The following ARHGAP26 variants were observed in gnomAD, a reference collection of about 807,000 sequenced individuals.
ARHGAP26 encodes rho GTPase-activating protein 26.
Under a neutral mutation model 104.8 loss-of-function variants are expected in ARHGAP26, and 38 were observed. That is an observed-to-expected ratio of 0.36 (90% confidence interval 0.28 to 0.48). The LOEUF (loss-of-function observed/expected upper bound fraction) is 0.48, where lower values mean the gene tolerates loss of function less well. Among genes scored for constraint, ARHGAP26 ranks in the 20% least tolerant of loss-of-function variants. The probability of loss-of-function intolerance (pLI) is 0.99; values close to 1 mark genes in which losing one functional copy is unlikely to be tolerated. For missense variants in ARHGAP26, 704 were observed against 947.9 expected (o/e 0.74, Z 3.38); for synonymous variants, 341 against 340.0 (o/e 1.00, Z -0.03).
At chr5:142,913,767 A>G (rs949254148) in intron 10 of ARHGAP26, among the ~76,000 whole-genome samples, 9 of 152,248 alleles carry the variant, frequency 5.9e-5, no homozygotes, top group African/African-American at 9.6e-5. Context: ...CATTTCACCT[A>G]CCAGTGTGTG....
chr5:142,958,437 C>T (rs1403917353), intron 11 of ARHGAP26, among the ~76,000 whole-genome samples: 3 of 152,110 alleles, frequency 2.0e-5, no homozygotes, highest in Non-Finnish European at 4.4e-5. Context: ...GAGGCCAAGG[C>T]AGGGGGATTG....
chr5:143,034,188 C>T (rs1024260089), intron 12 of ARHGAP26, among the ~76,000 whole-genome samples: 1 of 152,162 alleles, frequency 6.6e-6, no homozygotes, highest in Non-Finnish European at 1.5e-5. Flanking sequence ...AACAGTTTGG[C>T]AATTCCTCAA....
Position 143,226,221 on chromosome 5 carries a change from C to G in ARHGAP26, c.*3775C>G, listed in dbSNP as rs1381720663. The G allele has an allele frequency of 5.5e-6, 1 of 180,398 alleles. No individual in the cohort carries two copies. The highest frequency in any genetic ancestry group is 6.3e-5 in the Admixed American group (1 of 15,898). The allele number at this position is 180,398 out of a possible 1,614,324, so 11.2% of individuals were successfully genotyped here. A position where few individuals can be genotyped will look rare whatever the true frequency, so the allele number is the denominator to read the frequency against. On this transcript the variant is annotated 3_prime_UTR_variant, in exon 23 of 23. Transcript: ENST00000645722. The stretch of plus-strand genomic sequence containing the variant: ...CCATGGCCGGGTGCAGTGGCTCACG[C>G]CTATAATCCCAGCACTTTGGGAGGC...
At chr5:142,931,108 C>T (rs1284906762) in intron 10 of ARHGAP26, among the ~76,000 whole-genome samples, 1 of 152,222 alleles carries the variant, frequency 6.6e-6, no homozygotes, top group African/African-American at 2.4e-5. Context: ...TTTTAACTAG[C>T]AATTCTTAAC....
At chr5:142,772,596 A>G in intron 1 of ARHGAP26, 1 of 397,086 alleles carries the variant, frequency 2.5e-6, no homozygotes. Flanking sequence ...TGCTTCACAT[A>G]TAATTATCTC....
rs570364153 is a variant in ARHGAP26, at chr5:143,158,667, A to T, written c.1988+11286A>T. Among the ~76,000 whole-genome samples the T allele has an allele frequency of 5.9e-5, 9 of 152,342 alleles. No homozygotes were observed. In the South Asian group the frequency reaches 1.9e-3, roughly 32 times the overall value. ...CTATCACCTTCCTTCACAAGGAAGC[A>T]GTGGAGTTCTCACTAAGACATTGCT... On this transcript the variant is annotated intron_variant, in intron 20 of 22. Transcript: ENST00000645722.
intron 14 of ARHGAP26, among the ~76,000 whole-genome samples, chr5:143,046,721 G>A (rs246658): frequency 0.76 from 116,226 of 152,156 alleles, 44,596 homozygotes; most frequent in East Asian, 0.83. Flanking sequence ...TATTTAATAT[G>A]TAAATCAGCT....
chr5:143,150,414 C>A (rs1341219774), intron 20 of ARHGAP26, among the ~76,000 whole-genome samples: 1 of 152,190 alleles, frequency 6.6e-6, no homozygotes, highest in Non-Finnish European at 1.5e-5. Context: ...CAACCACTGT[C>A]AACTGAATAT....
intron 17 of ARHGAP26, among the ~76,000 whole-genome samples, chr5:143,101,260 T>G (rs1442550251): frequency 3.9e-5 from 6 of 152,176 alleles, no homozygotes; most frequent in Non-Finnish European, 7.3e-5. Context: ...TTTTTAGAGA[T>G]GAGGGCAAAA....
rs150022846 is a variant in ARHGAP26, at chr5:142,845,844, C to G, written c.155-27556C>G. ...GAGTCCCCACAGAGACCTGCCTCTA[C>G]TTCCTCCCCAAGCTCAGCTCTTGGC... On this transcript the variant is annotated intron_variant, in intron 1 of 22. Coordinates refer to ENST00000645722, the MANE Select transcript of ARHGAP26 (RefSeq NM_001135608.3). Among the ~76,000 whole-genome samples, 6 of 152,298 alleles carry G rather than the reference C, an allele frequency of 3.9e-5. No individual in the cohort carries two copies. The East Asian group carries it at 1.2e-3, about 29-fold the overall frequency.
chr5:142,790,934 C>T (rs751521349), intron 1 of ARHGAP26, among the ~76,000 whole-genome samples: 3 of 152,102 alleles, frequency 2.0e-5, no homozygotes, highest in Admixed American at 6.5e-5. Context: ...CTCTAAACTC[C>T]CCGCTGCATG....
intron 14 of ARHGAP26, among the ~76,000 whole-genome samples, chr5:143,046,056 C>G (rs916830171): frequency 1.3e-5 from 2 of 152,190 alleles, no homozygotes; most frequent in South Asian, 4.1e-4. Context: ...ACTGCTTGAA[C>G]CCGGGAGGCG....
chr5:143,211,551 T>G (rs1038261351), intron 21 of ARHGAP26, among the ~76,000 whole-genome samples: 10 of 151,678 alleles, frequency 6.6e-5, no homozygotes, highest in Non-Finnish European at 1.3e-4. Context: ...CTTTCTTGGC[T>G]TGCTTATTTA....
chr5:142,789,855 T>C (rs1759442204), intron 1 of ARHGAP26, among the ~76,000 whole-genome samples: 1 of 152,264 alleles, frequency 6.6e-6, no homozygotes, highest in Non-Finnish European at 1.5e-5. Context: ...TTTCCTTATG[T>C]ATCCAGGACC....
chr5:143,166,643 C>T (rs955717139), intron 20 of ARHGAP26, among the ~76,000 whole-genome samples: 2 of 152,188 alleles, frequency 1.3e-5, no homozygotes, highest in Non-Finnish European at 2.9e-5. Context: ...CTTAGAATTT[C>T]ACCTGCTGCT....
chr5:143,129,959 CCTA>C (rs1797138689), intron 18 of ARHGAP26, among the ~76,000 whole-genome samples: 3 of 152,250 alleles, frequency 2.0e-5, no homozygotes, highest in African/African-American at 7.2e-5. Flanking sequence ...GGATTTGAAC[CCTA>C]CTCTGTCTAG....
At chr5:143,131,005 C>T (rs908432847) in intron 18 of ARHGAP26, among the ~76,000 whole-genome samples, 2 of 152,192 alleles carry the variant, frequency 1.3e-5, no homozygotes, top group Non-Finnish European at 2.9e-5. Context: ...GGAGCCTGGT[C>T]CTGGCTCACA....
At chr5:142,809,197 TTGTG>T (rs1295942028) in intron 1 of ARHGAP26, among the ~76,000 whole-genome samples, 3 of 152,212 alleles carry the variant, frequency 2.0e-5, no homozygotes, top group Non-Finnish European at 4.4e-5. Context: ...ATGGTTTTAT[TTGTG>T]TGTTTTATCA....
rs184932584 is a variant in ARHGAP26, at chr5:142,915,184, C to G, written c.1028+1891C>G. ...TCCTAGCACCTTCCCTCCTTTATGA[C>G]TCCCACAACAGCTGTGCATGTCCCA... is the stretch of plus-strand genomic sequence containing the variant. On this transcript the variant is annotated intron_variant, in intron 10 of 22. Coordinates refer to ENST00000645722, the MANE Select transcript of ARHGAP26 (RefSeq NM_001135608.3). Among the ~76,000 whole-genome samples, 243 of 152,214 alleles carry G rather than the reference C, an allele frequency of 1.6e-3. 2 individuals carry two copies. Among genetic ancestry groups the G allele is most frequent in the African/African-American group, 5.7e-3 (236 of 41,528 alleles).
Sources: allele counts gnomAD v4.1 joint callset (sites outside exome capture counted in the v4.1 genomes callset), GRCh38; gene constraint gnomAD v4.1.1; transcripts MANE v1.5; gene names NCBI Gene and HGNC (gene_info 2026-07-23, HGNC 2026-07-21).